Variants in LGR5 observed in about 807,000 individuals in gnomAD.
LGR5 encodes the protein leucine-rich repeat-containing G protein-coupled receptor 5.
A neutral mutation model predicts 76.7 loss-of-function variants in LGR5; 54 were observed. That is an observed-to-expected ratio of 0.70 (90% confidence interval 0.57 to 0.88). The LOEUF is 0.88. Among genes scored for constraint, LGR5 ranks in the 40% least tolerant of loss-of-function variants. The pLI, the probability that LGR5 is intolerant of heterozygous loss-of-function variation, is 0.00. For missense variants in LGR5, 1,078 were observed against 1,073.3 expected, an observed-to-expected ratio of 1.00 and a Z score of -0.06; for synonymous variants, 406 against 421.9, an observed-to-expected ratio of 0.96 and a Z score of 0.46.
intron 1 of LGR5, among the ~76,000 whole-genome samples, chr12:71,489,404 T>C (rs754362475): frequency 9.9e-5 from 15 of 152,194 alleles, no homozygotes; most frequent in Non-Finnish European, 1.6e-4. Flanking sequence ...TGCATCCTTT[T>C]AGACAACATT....
At chr12:71,570,557 GGTATATTT>G (rs1357591375) in intron 11 of LGR5, among the ~76,000 whole-genome samples, 2 of 152,028 alleles carry the variant, frequency 1.3e-5, no homozygotes, top group Non-Finnish European at 2.9e-5. Flanking sequence ...TTAATAATCA[GGTATATTT>G]GTGCATAGGT....
intron 14 of LGR5, 50 bp from the exon 15 acceptor site, chr12:71,578,754 G>A (rs766700179): frequency 4.6e-6 from 7 of 1,510,546 alleles, no homozygotes; most frequent in South Asian, 2.7e-5. Flanking sequence ...TAACATAAAC[G>A]TTTTATGCTA....
At chr12:71,474,339 G>T (rs558272617) in intron 1 of LGR5, among the ~76,000 whole-genome samples, 1 of 152,280 alleles carries the variant, frequency 6.6e-6, no homozygotes, top group East Asian at 1.9e-4. Flanking sequence ...CTCCCGAGCA[G>T]GTACTGGTGT....
chr12:71,537,183 CA>C (rs35199889), intron 4 of LGR5, among the ~76,000 whole-genome samples: 25,517 of 111,030 alleles, frequency 0.23, 2,402 homozygotes, highest in Admixed American at 0.35. Context: ...TAAGAGTTGT[CA>C]AAAAAAAAAA....
At chr12:71,535,229 G>T (rs1413677657) in intron 4 of LGR5, 43 bp downstream of exon 4, 2 of 1,301,530 alleles carry the variant, frequency 1.5e-6, no homozygotes, top group East Asian at 2.3e-5. Flanking sequence ...AGATCAATTT[G>T]GGAAGAAGCA....
intron 4 of LGR5, among the ~76,000 whole-genome samples, chr12:71,540,051 A>G (rs889497227): frequency 1.3e-5 from 2 of 152,240 alleles, no homozygotes; most frequent in African/African-American, 4.8e-5. Context: ...TTTTGGGAGT[A>G]TAGACATTTG....
intron 1 of LGR5, among the ~76,000 whole-genome samples, chr12:71,490,689 C>T (rs1874030108): frequency 6.6e-6 from 1 of 152,164 alleles, no homozygotes; most frequent in Admixed American, 6.5e-5. Context: ...CTAGATCTAA[C>T]TGGAGACTCT....
intron 11 of LGR5, among the ~76,000 whole-genome samples, chr12:71,570,355 G>C (rs1408727660): frequency 1.3e-5 from 2 of 152,136 alleles, no homozygotes; most frequent in Non-Finnish European, 2.9e-5. Flanking sequence ...GTCAGTGTTA[G>C]CCCTGAAAAT....
At chr12:71,453,055 G>A (rs1386825586) in intron 1 of LGR5, among the ~76,000 whole-genome samples, 1 of 152,126 alleles carries the variant, frequency 6.6e-6, no homozygotes, top group African/African-American at 2.4e-5. Context: ...AAGTATAAGT[G>A]TAATTTTCAT....
intron 4 of LGR5, among the ~76,000 whole-genome samples, chr12:71,538,377 A>G (rs1361477139): frequency 6.6e-6 from 1 of 152,174 alleles, no homozygotes; most frequent in Non-Finnish European, 1.5e-5. Context: ...TTAGCTGGGC[A>G]TGGTGGCCTG....
intron 1 of LGR5, among the ~76,000 whole-genome samples, chr12:71,479,531 C>A (rs1873491788): frequency 6.6e-6 from 1 of 151,982 alleles, no homozygotes; most frequent in South Asian, 2.1e-4. Flanking sequence ...TGACCACAAA[C>A]TTTTCTAAGT....
intron 4 of LGR5, among the ~76,000 whole-genome samples, chr12:71,541,642 C>T (rs1040494854): frequency 6.6e-5 from 10 of 152,174 alleles, no homozygotes; most frequent in African/African-American, 1.7e-4. Flanking sequence ...GTTATCAAAG[C>T]AGCAGCCTCC....
At chr12:71,514,425 G>A (rs1480132443) in intron 2 of LGR5, among the ~76,000 whole-genome samples, 8 of 151,932 alleles carry the variant, frequency 5.3e-5, no homozygotes, top group Admixed American at 3.3e-4. Flanking sequence ...AAAATTAGCC[G>A]GGCGTGGTGG....
chr12:71,439,741 T>C (rs1871658308), upstream of LGR5: 1 of 271,224 alleles, frequency 3.7e-6, no homozygotes, highest in Admixed American at 5.7e-5. Context: ...CTGACGTCAC[T>C]GGGCGCGCAA....
chr12:71,501,119 A>C (rs1436153213), intron 1 of LGR5, among the ~76,000 whole-genome samples: 1 of 152,212 alleles, frequency 6.6e-6, no homozygotes, highest in Non-Finnish European at 1.5e-5. Context: ...TTACTTAAAG[A>C]GTAAATAATG....
At position 71,495,077 on chromosome 12, in the gene LGR5, TC is replaced by T. The variant is rs113138849; in HGVS notation, c.213-9536del. ...CATGGCCCAAGGATTTGGGGCGTAG[TC>T]GGGGGGGGTCTCCTTTGAATCCCAC... On this transcript the variant is annotated intron_variant, in intron 1 of 17. Transcript: ENST00000266674. 8.9e-3 allele frequency among the ~76,000 whole-genome samples: 1,321 copies of T among 149,104 alleles called. 69 individuals carry two copies. Among genetic ancestry groups the T allele is most frequent in the South Asian group, 0.028 (131 of 4,724 alleles).
rs992680229 is a variant in LGR5 at position 71,440,058 on chromosome 12, C to T, written c.-23C>T. 12 of 1,596,970 alleles carry T rather than the reference C, an allele frequency of 7.5e-6. No individual in the cohort carries two copies. Among genetic ancestry groups the T allele is most frequent in the Admixed American group, 1.7e-5 (1 of 59,970 alleles). On this transcript the variant is annotated 5_prime_UTR_variant, in exon 1 of 18. Coordinates refer to ENST00000266674, the MANE Select transcript of LGR5 (RefSeq NM_003667.4). This position sits in a 1 kb window ranked among gnomAD's most constrained non-coding sequence, Gnocchi z 5.3. ...TGCTGCTCTCCGCCCGCGTCCGGCT[C>T]GTGGCCCCCTACTTCGGGCACCATG...
chr12:71,439,581 G>A (rs1252295848), upstream of LGR5, among the ~76,000 whole-genome samples: 4 of 152,002 alleles, frequency 2.6e-5, no homozygotes, highest in African/African-American at 4.8e-5. Flanking sequence ...AATCTTCCAG[G>A]CGGAGGCTCA....
intron 1 of LGR5, among the ~76,000 whole-genome samples, chr12:71,500,853 C>T (rs78358686): frequency 0.049 from 7,429 of 152,148 alleles, 227 homozygotes; most frequent in Middle Eastern, 0.12. Context: ...GATTTCTAGA[C>T]GTGATCAGTA....
Sources: allele counts gnomAD v4.1 joint callset (sites outside exome capture counted in the v4.1 genomes callset), GRCh38; gene constraint gnomAD v4.1.1; non-coding constraint Gnocchi (gnomAD v3.1); transcripts MANE v1.5; gene names NCBI Gene and HGNC (gene_info 2026-07-23, HGNC 2026-07-21).